The following NCOR2 variants were observed in gnomAD, a reference collection of about 807,000 sequenced individuals.
The protein encoded by NCOR2 is CTG repeat protein 26.
In NCOR2, 81 loss-of-function variants were observed where a neutral mutation model predicts 262.9. The observed-to-expected ratio is 0.31, with a 90% CI of 0.26 to 0.37. The LOEUF (loss-of-function observed/expected upper bound fraction) is 0.37. Among genes scored for constraint, NCOR2 ranks in the 10% least tolerant of loss-of-function variants. The pLI is 1.00. For synonymous variants in NCOR2, 1,659 were observed against 1,559.3 expected, an observed-to-expected ratio of 1.06 and a Z score of -1.51; for missense variants, 3,385 against 3,621.4, an observed-to-expected ratio of 0.93 and a Z score of 1.68.
chr12:124,472,703 T>C (rs910875605), intron 4 of NCOR2, among the ~76,000 whole-genome samples: 1 of 152,178 alleles, frequency 6.6e-6, no homozygotes, highest in Non-Finnish European at 1.5e-5. Flanking sequence ...TAAAAATCAG[T>C]TCCTCAGTCG....
At chr12:124,334,925 C>T in intron 40 of NCOR2, 3 of 699,938 alleles carry the variant, frequency 4.3e-6, no homozygotes, top group South Asian at 1.9e-5. Flanking sequence ...ATCACAGGCT[C>T]CTCCCATGGA....
exon 28 of NCOR2, chr12:124,350,706 G>T: frequency 3.7e-6 from 6 of 1,613,190 alleles, no homozygotes; most frequent in Non-Finnish European, 5.1e-6. Flanking sequence ...CCTGGTGATG[G>T]TGCCCTTGTA....
intron 12 of NCOR2, among the ~76,000 whole-genome samples, chr12:124,420,555 CCGCCCCA>C (rs947953652): frequency 4.6e-5 from 7 of 152,160 alleles, no homozygotes; most frequent in South Asian, 2.1e-4. Context: ...TGCATCGGGA[CCGCCCCA>C]CGCCCCACGC....
Position 124,432,995 on chromosome 12 carries a change from C to T in NCOR2, c.883-2208G>A, listed in dbSNP as rs927248279. ...CTCCACAAACACCCACTTGGTGCTT[C>T]GGTACAGTCAGAAAGCCCCTCTCTG... On this transcript the variant is annotated intron_variant, in intron 8 of 46. Coordinates refer to ENST00000405201, the Ensembl canonical transcript of NCOR2. This position sits in a 1 kb window ranked among gnomAD's most constrained non-coding sequence, Gnocchi z 5.1. Among the ~76,000 whole-genome samples the T allele has an allele frequency of 3.3e-5, 5 of 152,122 alleles. No individual in the cohort carries two copies. Among genetic ancestry groups the T allele is most frequent in the Admixed American group, 6.5e-5 (1 of 15,276 alleles).
intron 5 of NCOR2, among the ~76,000 whole-genome samples, chr12:124,462,608 C>T (rs759399785): frequency 8.5e-5 from 13 of 152,170 alleles, no homozygotes; most frequent in Admixed American, 6.5e-5. Context: ...ACCAGGTGGC[C>T]GGGCATGGAG....
chr12:124,414,736 T>G (rs1441669875), intron 13 of NCOR2, among the ~76,000 whole-genome samples: 1 of 151,710 alleles, frequency 6.6e-6, no homozygotes, highest in Non-Finnish European at 1.5e-5. Flanking sequence ...CCCCTGAGGG[T>G]GGGTGGGCTC....
In NCOR2 at chr12:124,432,953, C is replaced by T. The variant is rs1174811544; in HGVS notation, c.883-2166G>A. ...CCTCTAACAGCTGGGGGTGGACAGA[C>T]GGTGTGATCTGGGAGCCTCCACAAA... On this transcript the variant is annotated intron_variant, in intron 8 of 46. Transcript: ENST00000405201. This position sits in a 1 kb window ranked among gnomAD's most constrained non-coding sequence, Gnocchi z 5.1. Among the ~76,000 whole-genome samples, 3 of 152,152 alleles carry T rather than the reference C, an allele frequency of 2.0e-5. No individual in the cohort carries two copies. The highest frequency in any genetic ancestry group is 4.8e-5 in the African/African-American group (2 of 41,424).
At chr12:124,391,064 G>A (rs963088212) in intron 16 of NCOR2, among the ~76,000 whole-genome samples, 1 of 152,252 alleles carries the variant, frequency 6.6e-6, no homozygotes, top group East Asian at 1.9e-4. Context: ...GTGGGGGCCA[G>A]GACTCAGCCT....
Position 124,503,635 on chromosome 12 carries a change from G to GAT in NCOR2, c.-117-8268_-117-8267insAT, listed in dbSNP as rs762639212. On this transcript the variant is annotated intron_variant, in intron 1 of 46. Coordinates refer to the NCOR2 transcript ENST00000404621. This position sits in a 1 kb window ranked among gnomAD's most constrained non-coding sequence, Gnocchi z 4.3. ...GGACGGATGGATGGATGGATGGATGGGCGAATGGATGGATGGATGGATGGA... is the reference window on the plus strand; with the variant it reads ...GGACGGATGGATGGATGGATGGATGGATGCGAATGGATGGATGGATGGATGGA... 6.8e-6 allele frequency among the ~76,000 whole-genome samples: 1 copy of GAT among 146,532 alleles called. No individual in the cohort carries two copies. Among genetic ancestry groups the GAT allele is most frequent in the Non-Finnish European group, 1.5e-5 (1 of 66,884 alleles).
chr12:124,505,081 A>T (rs1593874122), intron 1 of NCOR2, among the ~76,000 whole-genome samples: 1 of 152,094 alleles, frequency 6.6e-6, no homozygotes, highest in East Asian at 1.9e-4. Flanking sequence ...GGTTCCAGCC[A>T]TGGCCGGCTG....
At chr12:124,533,926 T>G (rs2050984176) in intron 1 of NCOR2, among the ~76,000 whole-genome samples, 1 of 140,208 alleles carries the variant, frequency 7.1e-6, no homozygotes, top group African/African-American at 2.5e-5. Flanking sequence ...TGAGACCTTT[T>G]TGTGATTTTT....
rs984263850 is a variant in NCOR2 at position 124,378,253 on chromosome 12, C to T, written c.2151G>A (p.Met717Ile). ...AGCCCTCACCTTCAGCCTCCTCCACCATCTCCTCCTCATTTCCGCTCACGC... is the reference window on the plus strand; with the variant it reads ...AGCCCTCACCTTCAGCCTCCTCCACTATCTCCTCCTCATTTCCGCTCACGC... Residue 717 changes from methionine (M) to isoleucine (I), a missense_variant, in exon 18 of 47, where the codon ATG becomes ATA. This residue lies in a region of NCOR2 where 515 missense variants were observed against 781.2 expected (regional missense o/e 0.66). Coordinates refer to ENST00000405201, the Ensembl canonical transcript of NCOR2. This position sits in a 1 kb window ranked among gnomAD's most constrained non-coding sequence, Gnocchi z 4.2. 2 of 1,613,740 alleles carry T rather than the reference C, an allele frequency of 1.2e-6. No homozygotes were observed. The highest frequency in any genetic ancestry group is 2.7e-5 in the African/African-American group (2 of 75,038).
At chr12:124,509,892 G>A (rs1427132350) in intron 1 of NCOR2, among the ~76,000 whole-genome samples, 2 of 152,082 alleles carry the variant, frequency 1.3e-5, no homozygotes, top group African/African-American at 4.8e-5. Context: ...AGTAACCTGA[G>A]CCTCCGGACC....
rs59769914 is a variant in NCOR2, at chr12:124,333,897, C to CGCGCATGTGGGTGT, written c.6605+526_6605+527insACACCCACATGCGC. 5.7e-5 allele frequency among the ~76,000 whole-genome samples: 7 copies of CGCGCATGTGGGTGT among 123,618 alleles called. 1 individual carries two copies. Among genetic ancestry groups the CGCGCATGTGGGTGT allele is most frequent in the Non-Finnish European group, 9.3e-5 (5 of 53,590 alleles). The allele number at this position is 123,618 out of a possible 152,430, so 81.1% of individuals were successfully genotyped here. A position where few individuals can be genotyped will look rare whatever the true frequency, so the allele number is the denominator to read the frequency against. ...GTGTGCGGGTGTGCATGTGTGTGTG[C>CGCGCATGTGGGTGT]GCGCGCATGTGTGCGGGTGTGCATG... On this transcript the variant is annotated intron_variant, in intron 41 of 46. Coordinates refer to ENST00000405201, the Ensembl canonical transcript of NCOR2.
At chr12:124,526,532 G>A (rs1484070476) in intron 1 of NCOR2, among the ~76,000 whole-genome samples, 1 of 152,162 alleles carries the variant, frequency 6.6e-6, no homozygotes, top group Non-Finnish European at 1.5e-5. Flanking sequence ...GCACCCTGGA[G>A]CTGCATGGAC....
intron 16 of NCOR2, among the ~76,000 whole-genome samples, chr12:124,387,774 T>G (rs1180103613): frequency 6.6e-6 from 1 of 152,166 alleles, no homozygotes; most frequent in Non-Finnish European, 1.5e-5. Context: ...CGCGCGTTTA[T>G]TTATATTTCC....
chr12:124,388,177 A>G (rs2040958758), intron 16 of NCOR2, among the ~76,000 whole-genome samples: 1 of 152,110 alleles, frequency 6.6e-6, no homozygotes, highest in Non-Finnish European at 1.5e-5. Flanking sequence ...AGAGCTCGCT[A>G]GCAGTCTTGG....
At chr12:124,387,828 G>A (rs1374826111) in intron 16 of NCOR2, among the ~76,000 whole-genome samples, 1 of 152,198 alleles carries the variant, frequency 6.6e-6, no homozygotes, top group Non-Finnish European at 1.5e-5. Flanking sequence ...CCGGGCCAGA[G>A]GGATCACAGA....
At chr12:124,542,910 G>A (rs1324120529) in intron 1 of NCOR2, 1 of 152,294 alleles carries the variant, frequency 6.6e-6, no homozygotes, top group Non-Finnish European at 1.5e-5. Flanking sequence ...AAGCCGCCGG[G>A]ATATGTTTTC....
Sources: allele counts gnomAD v4.1 joint callset (sites outside exome capture counted in the v4.1 genomes callset), GRCh38; gene constraint gnomAD v4.1.1; regional missense constraint gnomAD v4.1.1; non-coding constraint Gnocchi (gnomAD v3.1); transcripts MANE v1.5; gene names NCBI Gene and HGNC (gene_info 2026-07-23, HGNC 2026-07-21).